STK3: variants seen among roughly 807,000 people sequenced by gnomAD.
STK3 encodes serine/threonine-protein kinase 3.
In STK3, 41 loss-of-function variants were observed where a neutral mutation model predicts 58.0. The ratio of observed to expected loss-of-function variants is 0.71; its 90% CI spans 0.55 to 0.92. STK3 has a LOEUF of 0.92. STK3 is among the 40% of genes least tolerant of loss of function. STK3 has a pLI of 0.00. For missense variants in STK3, 479 were observed against 602.7 expected, an observed-to-expected ratio of 0.79 and a Z score of 2.15; for synonymous variants, 170 against 191.0, an observed-to-expected ratio of 0.89 and a Z score of 0.91.
At chr8:98,419,441 G>A (rs148281608) in intron 3 of STK3, among the ~76,000 whole-genome samples, 4 of 152,236 alleles carry the variant, frequency 2.6e-5, no homozygotes, top group East Asian at 3.9e-4. Context: ...CAGTGGGAAC[G>A]TGGAATGGCA....
chr8:98,513,337 T>G (rs751217705), intron 10 of STK3, among the ~76,000 whole-genome samples: 13 of 152,096 alleles, frequency 8.5e-5, no homozygotes, highest in Non-Finnish European at 1.6e-4. Flanking sequence ...GCAGTTTTTG[T>G]CATAGGAGCT....
intron 8 of STK3, among the ~76,000 whole-genome samples, chr8:98,556,188 T>C (rs1811572067): frequency 6.6e-6 from 1 of 152,064 alleles, no homozygotes. Flanking sequence ...CCTTCAATTT[T>C]ACATCACTCA....
At chr8:98,870,136 T>C (rs545315143) in intron 3 of STK3, among the ~76,000 whole-genome samples, 3 of 152,200 alleles carry the variant, frequency 2.0e-5, no homozygotes, top group Non-Finnish European at 4.4e-5. Context: ...AGAATGATGG[T>C]TTCTAGCTTC....
At chr8:98,465,008 T>G (rs1184312165) in intron 10 of STK3, among the ~76,000 whole-genome samples, 1 of 152,180 alleles carries the variant, frequency 6.6e-6, no homozygotes, top group Non-Finnish European at 1.5e-5. Flanking sequence ...TAGAAGAAAC[T>G]TAGGATTCTA....
chr8:98,738,119 G>C (rs549579628), intron 4 of STK3, among the ~76,000 whole-genome samples: 1 of 152,222 alleles, frequency 6.6e-6, no homozygotes, highest in Non-Finnish European at 1.5e-5. Context: ...CACAAATTAT[G>C]AGTTAAATGT....
At chr8:98,740,895 G>T (rs531689625) in intron 4 of STK3, among the ~76,000 whole-genome samples, 6 of 152,230 alleles carry the variant, frequency 3.9e-5, no homozygotes, top group African/African-American at 1.4e-4. Flanking sequence ...AAAGGATGGA[G>T]GAAGATCTAC....
intron 3 of STK3, among the ~76,000 whole-genome samples, chr8:98,856,566 G>A (rs1302105722): frequency 2.6e-5 from 4 of 152,138 alleles, no homozygotes; most frequent in East Asian, 1.9e-4. Flanking sequence ...AAGTGTTAGC[G>A]AAGACGTGGA....
intron 6 of STK3, among the ~76,000 whole-genome samples, chr8:98,623,318 A>G (rs951800346): frequency 6.6e-6 from 1 of 152,176 alleles, no homozygotes; most frequent in South Asian, 2.1e-4. Flanking sequence ...CCCCACCACC[A>G]CCACTACCAA....
chr8:98,750,065 G>A lies in STK3; in HGVS notation c.237-675C>T, dbSNP rs377071937. On this transcript the variant is annotated intron_variant, in intron 3 of 10. Transcript: ENST00000419617. ...TATGAGAAATCTAACCTATCTCAAAGAGGCAGAATATCATATTCAAAAAAT... is the reference window on the plus strand; with the variant it reads ...TATGAGAAATCTAACCTATCTCAAAAAGGCAGAATATCATATTCAAAAAAT... Among the ~76,000 whole-genome samples the A allele has an allele frequency of 5.3e-5, 8 of 152,144 alleles. No individual in the cohort carries two copies. In the East Asian group the frequency reaches 5.8e-4, roughly 11 times the overall value.
intron 3 of STK3, among the ~76,000 whole-genome samples, chr8:98,877,557 C>T (rs1252607886): frequency 6.6e-6 from 1 of 151,874 alleles, no homozygotes; most frequent in Non-Finnish European, 1.5e-5. Context: ...GATCTCGGCT[C>T]ACCACAACTT....
At chr8:98,474,558 A>G (rs990101745) in intron 10 of STK3, among the ~76,000 whole-genome samples, 2 of 152,200 alleles carry the variant, frequency 1.3e-5, no homozygotes, top group Non-Finnish European at 2.9e-5. Flanking sequence ...AAATGATTAC[A>G]TGCCTTTCCT....
chr8:98,798,564 G>C (rs898911425), intron 1 of STK3, among the ~76,000 whole-genome samples: 1 of 152,210 alleles, frequency 6.6e-6, no homozygotes, highest in African/African-American at 2.4e-5. Flanking sequence ...AGTTAAAACA[G>C]AGGATTTCTT....
intron 3 of STK3, among the ~76,000 whole-genome samples, chr8:98,416,245 G>C (rs1005176356): frequency 1.3e-5 from 2 of 152,106 alleles, no homozygotes; most frequent in Non-Finnish European, 2.9e-5. Flanking sequence ...GGATTTGGGC[G>C]ATCAAGATGC....
chr8:98,635,125 T>G (rs959493965), intron 6 of STK3, among the ~76,000 whole-genome samples: 6 of 151,876 alleles, frequency 4.0e-5, no homozygotes, highest in Admixed American at 3.9e-4. Flanking sequence ...AAGGGTAAAA[T>G]GAGGCCCCAA....
intron 3 of STK3, among the ~76,000 whole-genome samples, chr8:98,410,301 G>A (rs1335324639): frequency 1.3e-5 from 2 of 152,110 alleles, no homozygotes; most frequent in African/African-American, 4.8e-5. Flanking sequence ...CCGTCCTCTC[G>A]CCTTCATCTA....
At chr8:98,541,384 C>T (rs554832357) in intron 9 of STK3, among the ~76,000 whole-genome samples, 99 of 152,206 alleles carry the variant, frequency 6.5e-4, no homozygotes, top group African/African-American at 2.0e-3. Context: ...CTCTTTCTCC[C>T]GTTCAGCCAT....
intron 10 of STK3, among the ~76,000 whole-genome samples, chr8:98,459,113 G>C (rs1819733072): frequency 6.6e-6 from 1 of 152,200 alleles, no homozygotes; most frequent in African/African-American, 2.4e-5. Context: ...GAATGGTTTT[G>C]GCCAAAATGC....
intron 10 of STK3, among the ~76,000 whole-genome samples, chr8:98,469,539 C>T (rs927903588): frequency 9.2e-5 from 14 of 152,128 alleles, no homozygotes; most frequent in Admixed American, 3.9e-4. Flanking sequence ...AGGCAGAGAA[C>T]TGAGGTTGGG....
chr8:98,760,289 G>A (rs1209902204), intron 3 of STK3, among the ~76,000 whole-genome samples: 1 of 152,046 alleles, frequency 6.6e-6, no homozygotes, highest in Non-Finnish European at 1.5e-5. Flanking sequence ...CTATAAACAT[G>A]CACACACCCG....
Sources: gnomAD v4.1 joint callset for allele counts (sites outside exome capture counted in the v4.1 genomes callset) on GRCh38, gnomAD v4.1.1 for gene constraint, MANE v1.5 for transcripts, NCBI Gene and HGNC (gene_info 2026-07-23, HGNC 2026-07-21) for gene names.